Variants in OPCML observed in about 807,000 individuals in gnomAD.
OPCML encodes opioid-binding protein/cell adhesion molecule.
In OPCML, 13 loss-of-function variants were observed where a neutral mutation model predicts 37.8. That is an observed-to-expected ratio of 0.34 (90% CI 0.22 to 0.55). The LOEUF (loss-of-function observed/expected upper bound fraction) is 0.55, where lower values mean the gene tolerates loss of function less well. Ranked by LOEUF, OPCML falls within the 20% of genes least tolerant of loss-of-function variation. The probability of loss-of-function intolerance (pLI) is 0.91; values close to 1 mark genes in which losing one functional copy is unlikely to be tolerated. For missense variants in OPCML, 341 were observed against 435.6 expected (o/e 0.78, Z 1.93); for synonymous variants, 176 against 168.8 (o/e 1.04, Z -0.33).
At chr11:133,371,578 G>A (rs1241577413) in intron 1 of OPCML, among the ~76,000 whole-genome samples, 3 of 152,100 alleles carry the variant, frequency 2.0e-5, no homozygotes, top group African/African-American at 7.2e-5. Flanking sequence ...TTTCATAAGT[G>A]GTAGTTTACC....
At chr11:132,445,227 C>A (rs1456698380) in intron 4 of OPCML, among the ~76,000 whole-genome samples, 2 of 152,202 alleles carry the variant, frequency 1.3e-5, no homozygotes, top group African/African-American at 4.8e-5. Context: ...TAATAAAGAT[C>A]TCCATAGCTG....
chr11:133,020,755 G>C (rs1947435545), intron 1 of OPCML, among the ~76,000 whole-genome samples: 1 of 152,056 alleles, frequency 6.6e-6, no homozygotes, highest in Admixed American at 6.5e-5. Flanking sequence ...CCAATTTCAT[G>C]TTCAAAAAAA....
At chr11:133,238,849 T>C (rs572855052) in intron 1 of OPCML, among the ~76,000 whole-genome samples, 2 of 152,376 alleles carry the variant, frequency 1.3e-5, no homozygotes, top group African/African-American at 4.8e-5. Flanking sequence ...TAAATGCTGA[T>C]AATAGCCCAC....
chr11:132,492,466 AT>A (rs913659250), intron 4 of OPCML, among the ~76,000 whole-genome samples: 19 of 151,922 alleles, frequency 1.3e-4, no homozygotes, highest in African/African-American at 4.4e-4. Flanking sequence ...TGACACCATT[AT>A]TTTTTTACTT....
At chr11:132,424,028 T>C (rs77665292) in intron 7 of OPCML, among the ~76,000 whole-genome samples, 11,148 of 152,200 alleles carry the variant, frequency 0.073, 1,080 homozygotes, top group African/African-American at 0.23. Context: ...AATTTCAATA[T>C]ATAGGGTCAG....
chr11:132,506,648 C>T (rs1416860612), intron 4 of OPCML, among the ~76,000 whole-genome samples: 2 of 152,088 alleles, frequency 1.3e-5, no homozygotes, highest in Non-Finnish European at 1.5e-5. Flanking sequence ...AGTGAGGAAA[C>T]ATTTACTCAG....
chr11:132,479,038 T>C (rs981000421), intron 4 of OPCML, among the ~76,000 whole-genome samples: 2 of 152,114 alleles, frequency 1.3e-5, no homozygotes. Flanking sequence ...GGAGCCAAGA[T>C]GGCCGAATAG....
intron 1 of OPCML, chr11:133,007,566 C>A: frequency 2.0e-6 from 2 of 985,438 alleles, no homozygotes; most frequent in South Asian, 4.7e-5. Flanking sequence ...TTTGAGCCTT[C>A]AGAGGTAAAA....
chr11:133,255,376 G>T (rs187318388), intron 1 of OPCML, among the ~76,000 whole-genome samples: 1 of 152,206 alleles, frequency 6.6e-6, no homozygotes, highest in Admixed American at 6.5e-5. Context: ...TTCCAGTCGA[G>T]GTGTTATTTG....
In OPCML at chr11:132,871,388, AT is replaced by A. The variant is rs571568498; in HGVS notation, c.146+71537del. 4.1e-3 allele frequency among the ~76,000 whole-genome samples: 632 copies of A among 152,374 alleles called. 3 individuals carry two copies. Among genetic ancestry groups the A allele is most frequent in the Non-Finnish European group, 5.6e-3 (382 of 68,042 alleles). On this transcript the variant is annotated intron_variant, in intron 2 of 7. Transcript: ENST00000524381. ...CTATTATCATCAGAAAAGTTTTTAAATAAAAATCGTATCTGTACTGACAGGT... is the reference window on the plus strand; with the variant it reads ...CTATTATCATCAGAAAAGTTTTTAAAAAAAATCGTATCTGTACTGACAGGT...
rs1261428023 is a variant in OPCML at position 133,368,026 on chromosome 11, T to C, written c.61+164238A>G. 1.1e-4 allele frequency among the ~76,000 whole-genome samples: 17 copies of C among 152,120 alleles called. 1 individual carries two copies. The highest frequency in any genetic ancestry group is 1.0e-3 in the Admixed American group (16 of 15,272). ...TCTCCTCCCAAAGGCTAGGTAAAAA[T>C]TGATGCAAAGAACTTAGGCAGTCCT... On this transcript the variant is annotated intron_variant, in intron 1 of 7. Coordinates refer to ENST00000524381, the MANE Select transcript of OPCML (RefSeq NM_001012393.5).
chr11:132,908,650 C>T (rs80020756), intron 2 of OPCML, among the ~76,000 whole-genome samples: 1 of 152,210 alleles, frequency 6.6e-6, no homozygotes, highest in South Asian at 2.1e-4. Context: ...ACCACAGCGC[C>T]ACCAGTTCTC....
At chr11:132,618,849 C>G (rs1055688306) in intron 3 of OPCML, among the ~76,000 whole-genome samples, 62 of 151,964 alleles carry the variant, frequency 4.1e-4, no homozygotes, top group Admixed American at 4.6e-4. Context: ...ATTCCTCCCC[C>G]ACTCCTTGTA....
intron 2 of OPCML, among the ~76,000 whole-genome samples, chr11:132,806,629 GAAGA>G (rs1939028693): frequency 6.6e-6 from 1 of 152,216 alleles, no homozygotes; most frequent in East Asian, 1.9e-4. Context: ...AAAATTGACT[GAAGA>G]AATAGACAAA....
chr11:133,418,572 A>C, intron 1 of OPCML: 1 of 554,036 alleles, frequency 1.8e-6, no homozygotes, highest in Non-Finnish European at 2.3e-6. Flanking sequence ...TAACCTCCAA[A>C]CTGTCCTTGG....
intron 1 of OPCML, among the ~76,000 whole-genome samples, chr11:133,191,504 G>GTGTGTGT (rs1565494837): frequency 3.4e-4 from 49 of 142,452 alleles, no homozygotes; most frequent in African/African-American, 4.4e-4. Flanking sequence ...TGTGTGTGTG[G>GTGTGTGT]GTGTGTGTGT....
At chr11:132,724,822 G>C (rs1368518875) in intron 2 of OPCML, among the ~76,000 whole-genome samples, 1 of 152,196 alleles carries the variant, frequency 6.6e-6, no homozygotes, top group Non-Finnish European at 1.5e-5. Context: ...CCCCATGCAA[G>C]TCTGAAATCC....
Position 133,377,402 on chromosome 11 carries a change from G to T in OPCML, c.61+154862C>A, listed in dbSNP as rs537594639. Among the ~76,000 whole-genome samples the T allele has an allele frequency of 1.3e-3, 201 of 152,032 alleles. No individual in the cohort carries two copies. The South Asian group carries it at 0.021, about 16-fold the overall frequency. On this transcript the variant is annotated intron_variant, in intron 1 of 7. Transcript: ENST00000524381. The stretch of plus-strand genomic sequence containing the variant: ...CATTTTCCAAACATTTTGCCAGTCT[G>T]CTGTCGGTTGAGTTTTGCCGATTGA...
chr11:133,033,104 A>G (rs1947704071), intron 1 of OPCML, among the ~76,000 whole-genome samples: 1 of 152,186 alleles, frequency 6.6e-6, no homozygotes. Context: ...AAAAGAATGC[A>G]GATATTACCC....
Sources: allele counts gnomAD v4.1 joint callset (sites outside exome capture counted in the v4.1 genomes callset), GRCh38; gene constraint gnomAD v4.1.1; transcripts MANE v1.5; gene names NCBI Gene and HGNC (gene_info 2026-07-23, HGNC 2026-07-21).